LMNTD1: variants seen among roughly 807,000 people sequenced by gnomAD.
LMNTD1 encodes lamin tail domain-containing protein 1.
In LMNTD1, 35 loss-of-function variants were observed where a neutral mutation model predicts 50.9. That is an observed-to-expected ratio of 0.69 (90% confidence interval 0.53 to 0.91). The LOEUF is 0.91. LMNTD1 is among the 40% of genes least tolerant of loss of function. The pLI, the probability that LMNTD1 is intolerant of heterozygous loss-of-function variation, is 0.00. For synonymous variants in LMNTD1, 153 were observed against 161.9 expected, an observed-to-expected ratio of 0.94 and a Z score of 0.42; for missense variants, 470 against 475.5, an observed-to-expected ratio of 0.99 and a Z score of 0.11.
At chr12:25,604,557 TC>T (rs1339265877) in intron 1 of LMNTD1, among the ~76,000 whole-genome samples, 2 of 152,008 alleles carry the variant, frequency 1.3e-5, no homozygotes, top group Non-Finnish European at 2.9e-5. Flanking sequence ...GTCCATGTGT[TC>T]TCATTGTTCA....
At chr12:25,564,415 C>T (rs571906835) in intron 1 of LMNTD1, among the ~76,000 whole-genome samples, 2 of 152,122 alleles carry the variant, frequency 1.3e-5, no homozygotes, top group African/African-American at 4.8e-5. Context: ...CCCACCACCA[C>T]GCCTGACTAA....
chr12:25,635,818 G>A (rs1946821373), intron 1 of LMNTD1, among the ~76,000 whole-genome samples: 2 of 152,046 alleles, frequency 1.3e-5, no homozygotes, highest in African/African-American at 4.8e-5. Context: ...ATAGAAAACT[G>A]AAATAAACCC....
At chr12:25,615,444 T>C (rs1565520514) in intron 1 of LMNTD1, among the ~76,000 whole-genome samples, 1 of 151,328 alleles carries the variant, frequency 6.6e-6, no homozygotes, top group Non-Finnish European at 1.5e-5. Flanking sequence ...AACCATATCC[T>C]TTTTTTAATT....
intron 1 of LMNTD1, among the ~76,000 whole-genome samples, chr12:25,618,107 C>G (rs1219885914): frequency 6.6e-6 from 1 of 152,032 alleles, no homozygotes; most frequent in Non-Finnish European, 1.5e-5. Flanking sequence ...ACAATTATCC[C>G]CAAAATTTAA....
chr12:25,639,447 C>G (rs958740905), intron 1 of LMNTD1, among the ~76,000 whole-genome samples: 11 of 152,056 alleles, frequency 7.2e-5, no homozygotes, highest in African/African-American at 2.2e-4. Flanking sequence ...CATAAAGAAC[C>G]CTTCCAACTC....
chr12:25,520,662 T>C (rs527952257), intron 6 of LMNTD1, among the ~76,000 whole-genome samples: 11 of 152,348 alleles, frequency 7.2e-5, no homozygotes, highest in African/African-American at 2.6e-4. Flanking sequence ...GCAATGAAGA[T>C]GGCTGTGCAG....
chr12:25,503,857 G>A, intron 8 of LMNTD1, 57 bp from the exon 9 acceptor site: 1 of 918,810 alleles, frequency 1.1e-6, no homozygotes, highest in South Asian at 1.5e-5. Context: ...GGAAGGGCAA[G>A]AGTTCAGTCC....
intron 1 of LMNTD1, among the ~76,000 whole-genome samples, chr12:25,623,790 C>T (rs1215184335): frequency 6.6e-6 from 1 of 152,064 alleles, no homozygotes; most frequent in Non-Finnish European, 1.5e-5. Flanking sequence ...CTGGACATGC[C>T]TTCCTGCTTA....
chr12:25,529,855 C>T (rs1942097275), intron 4 of LMNTD1, among the ~76,000 whole-genome samples: 1 of 152,090 alleles, frequency 6.6e-6, no homozygotes, highest in South Asian at 2.1e-4. Flanking sequence ...CTGTCAACTT[C>T]TTTAACCCCT....
At chr12:25,540,549 T>C (rs1235130195) in intron 4 of LMNTD1, among the ~76,000 whole-genome samples, 5 of 138,050 alleles carry the variant, frequency 3.6e-5, no homozygotes, top group Non-Finnish European at 8.0e-5. Context: ...AAACTCTCAA[T>C]AAATTAGGTA....
intron 8 of LMNTD1, among the ~76,000 whole-genome samples, chr12:25,515,724 T>C (rs1940710149): frequency 6.6e-6 from 1 of 152,040 alleles, no homozygotes; most frequent in African/African-American, 2.4e-5. Flanking sequence ...AGTGTGTAGA[T>C]GTTTCTTTAA....
chr12:25,519,708 T>A (rs1941136952), intron 7 of LMNTD1, 150 bp downstream of exon 7: 2 of 591,320 alleles, frequency 3.4e-6, no homozygotes, highest in Admixed American at 6.0e-5. Context: ...GTGCTTTTCC[T>A]ATGAGTTCTA....
intron 1 of LMNTD1, among the ~76,000 whole-genome samples, chr12:25,622,471 C>CG (rs1472058734): frequency 2.9e-5 from 4 of 136,498 alleles, no homozygotes; most frequent in African/African-American, 1.1e-4. Flanking sequence ...GAGCCCGCCC[C>CG]CCCCCGCAAA....
chr12:25,628,741 T>C (rs1005887476), intron 1 of LMNTD1, among the ~76,000 whole-genome samples: 1 of 152,178 alleles, frequency 6.6e-6, no homozygotes, highest in African/African-American at 2.4e-5. Flanking sequence ...GCCAGCAGCC[T>C]CTAGAAGCTA....
intron 1 of LMNTD1, among the ~76,000 whole-genome samples, chr12:25,591,811 CAGAGAG>C (rs58392351): frequency 0.028 from 2,488 of 90,058 alleles, 34 homozygotes; most frequent in African/African-American, 0.034. Flanking sequence ...TAGCTCAGAA[CAGAGAG>C]AGAGAGAGAG....
chr12:25,509,535 C>T (rs995811948), intron 8 of LMNTD1, among the ~76,000 whole-genome samples: 1 of 152,218 alleles, frequency 6.6e-6, no homozygotes, highest in Admixed American at 6.5e-5. Flanking sequence ...AGAACTTTAA[C>T]TCCATTTAGT....
chr12:25,502,199 A>AT (rs781773506), intron 9 of LMNTD1, among the ~76,000 whole-genome samples: 2 of 152,114 alleles, frequency 1.3e-5, no homozygotes, highest in African/African-American at 4.8e-5. Context: ...GATTCAGAAC[A>AT]TTTTTTTCCA....
At chr12:25,551,832 T>C (rs1943761160) in intron 2 of LMNTD1, among the ~76,000 whole-genome samples, 1 of 152,226 alleles carries the variant, frequency 6.6e-6, no homozygotes, top group African/African-American at 2.4e-5. Flanking sequence ...GAGATTTTTC[T>C]CAGTGGTTAG....
chr12:25,619,240 CTCTCTCTCTCTCTATA>C (rs1222216298), intron 1 of LMNTD1, among the ~76,000 whole-genome samples: 1 of 62,416 alleles, frequency 1.6e-5, no homozygotes, highest in Non-Finnish European at 3.2e-5. Context: ...CTCTCTCTCT[CTCTCTCTCTCTCTATA>C]TATATATATA....
Sources: allele counts gnomAD v4.1 joint callset (sites outside exome capture counted in the v4.1 genomes callset), GRCh38; gene constraint gnomAD v4.1.1; transcripts MANE v1.5; gene names NCBI Gene and HGNC (gene_info 2026-07-23, HGNC 2026-07-21).